The following PTK2 variants were observed in gnomAD, a reference collection of about 807,000 sequenced individuals.
The protein encoded by PTK2 is focal adhesion kinase 1.
Under a neutral mutation model 150.1 loss-of-function variants are expected in PTK2, and 45 were observed. That is an observed-to-expected ratio of 0.30 (90% CI 0.24 to 0.38). PTK2 has a LOEUF of 0.38. Among genes scored for constraint, PTK2 ranks in the 10% least tolerant of loss-of-function variants. The pLI is 1.00. For synonymous variants in PTK2, 432 were observed against 449.2 expected (o/e 0.96, Z 0.48); for missense variants, 919 against 1,307.3 (o/e 0.70, Z 4.58).
chr8:140,832,534 T>C lies in PTK2; in HGVS notation c.594-2008A>G, dbSNP rs543338860. On this transcript the variant is annotated intron_variant, in intron 7 of 31. Coordinates refer to ENST00000522684, the Ensembl canonical transcript of PTK2. ...AATGTGAAGGGGGCAGTTTCTGTTCTGCCTTAGAAGAAAGCACTGCTGTCT... is the reference window on the plus strand; with the variant it reads ...AATGTGAAGGGGGCAGTTTCTGTTCCGCCTTAGAAGAAAGCACTGCTGTCT... Among the ~76,000 whole-genome samples the C allele has an allele frequency of 4.6e-5, 7 of 152,340 alleles. No homozygotes were observed. The South Asian group carries it at 1.0e-3, about 23-fold the overall frequency.
chr8:140,782,950 C>CA (rs1443024849), intron 14 of PTK2, among the ~76,000 whole-genome samples: 31 of 152,136 alleles, frequency 2.0e-4, no homozygotes, highest in African/African-American at 6.0e-4. Context: ...AGAAATGAGT[C>CA]AACATAGGCT....
At chr8:140,664,111 G>T (rs189820652) in intron 31 of PTK2, among the ~76,000 whole-genome samples, 1 of 152,166 alleles carries the variant, frequency 6.6e-6, no homozygotes, top group Non-Finnish European at 1.5e-5. Context: ...AGCCTCCCAA[G>T]TAGCTGGGAC....
chr8:140,725,548 C>T (rs2100045249), intron 22 of PTK2, among the ~76,000 whole-genome samples: 1 of 152,086 alleles, frequency 6.6e-6, no homozygotes, highest in African/African-American at 2.4e-5. Flanking sequence ...GCTTGAATAA[C>T]CAGAGAAATG....
intron 5 of PTK2, among the ~76,000 whole-genome samples, chr8:140,862,336 C>G (rs1244149785): frequency 6.6e-6 from 1 of 151,958 alleles, no homozygotes; most frequent in Non-Finnish European, 1.5e-5. Context: ...CTTGTTATCT[C>G]CTTCGCCAAA....
chr8:140,826,831 T>C (rs1318935352), intron 8 of PTK2, among the ~76,000 whole-genome samples: 3 of 152,028 alleles, frequency 2.0e-5, no homozygotes, highest in Non-Finnish European at 4.4e-5. Context: ...GGCAGGAGAA[T>C]TGCTTGAACC....
intron 1 of PTK2, among the ~76,000 whole-genome samples, chr8:140,945,497 G>A (rs1352876678): frequency 6.6e-6 from 1 of 151,894 alleles, no homozygotes; most frequent in Non-Finnish European, 1.5e-5. Context: ...GAGGCAGGAG[G>A]ATCATTTGAA....
chr8:140,765,448 A>G (rs1252096253), intron 14 of PTK2, among the ~76,000 whole-genome samples: 1 of 152,200 alleles, frequency 6.6e-6, no homozygotes, highest in Non-Finnish European at 1.5e-5. Flanking sequence ...TTCACTTCTT[A>G]TTATGTAATC....
intron 1 of PTK2, among the ~76,000 whole-genome samples, chr8:140,959,374 CAA>C (rs1177295670): frequency 9.8e-5 from 12 of 121,830 alleles, no homozygotes; most frequent in Non-Finnish European, 8.8e-5. Flanking sequence ...ACTAAAAATA[CAA>C]AAAAAAAAAA....
intron 1 of PTK2, among the ~76,000 whole-genome samples, chr8:140,974,253 A>AT (rs1303676848): frequency 6.6e-6 from 1 of 152,088 alleles, no homozygotes; most frequent in Admixed American, 6.5e-5. Flanking sequence ...CGATTTAGGG[A>AT]TTGTCTTACA....
chr8:140,879,354 A>C, intron 4 of PTK2, 117 bp downstream of exon 4: 1 of 1,066,166 alleles, frequency 9.4e-7, no homozygotes, highest in Non-Finnish European at 1.3e-6. Context: ...TATTTATACC[A>C]GAGTTGTAAT....
intron 2 of PTK2, among the ~76,000 whole-genome samples, chr8:140,904,091 G>A (rs575869663): frequency 2.0e-4 from 31 of 152,252 alleles, no homozygotes; most frequent in Middle Eastern, 3.4e-3. Context: ...TTTTCAAAGG[G>A]AATGCATCCA....
At chr8:140,800,408 C>T in intron 12 of PTK2, 51 bp downstream of exon 12, 5 of 1,445,506 alleles carry the variant, frequency 3.5e-6, no homozygotes, top group Non-Finnish European at 2.9e-6. Context: ...GCAAGCACAG[C>T]TAAATATTTG....
chr8:140,933,304 T>C (rs540525919), intron 1 of PTK2, among the ~76,000 whole-genome samples: 1 of 151,918 alleles, frequency 6.6e-6, no homozygotes, highest in East Asian at 1.9e-4. Flanking sequence ...ATAAAAATCA[T>C]CTGTTTGAAG....
chr8:140,830,360 T>C, intron 8 of PTK2, 112 bp downstream of exon 8: 1 of 667,978 alleles, frequency 1.5e-6, no homozygotes, highest in Non-Finnish European at 2.5e-6. Flanking sequence ...ATTATATATT[T>C]TACATGTAAG....
chr8:140,943,434 T>C (rs1053799376), intron 1 of PTK2, among the ~76,000 whole-genome samples: 9 of 152,262 alleles, frequency 5.9e-5, no homozygotes, highest in Non-Finnish European at 1.0e-4. Flanking sequence ...TATTGCTGTA[T>C]AGGATTCCAT....
At chr8:140,778,266 G>C (rs982455232) in intron 14 of PTK2, among the ~76,000 whole-genome samples, 6 of 152,188 alleles carry the variant, frequency 3.9e-5, no homozygotes, top group Admixed American at 2.6e-4. Context: ...CCAGGAGTTT[G>C]AGACCAGCTA....
intron 7 of PTK2, among the ~76,000 whole-genome samples, chr8:140,842,315 A>G (rs2100122821): frequency 6.6e-6 from 1 of 152,074 alleles, no homozygotes; most frequent in Non-Finnish European, 1.5e-5. Context: ...CAGATGAACA[A>G]TAACATTGTT....
intron 14 of PTK2, among the ~76,000 whole-genome samples, chr8:140,774,289 T>G (rs2100077172): frequency 6.6e-6 from 1 of 152,188 alleles, no homozygotes; most frequent in African/African-American, 2.4e-5. Flanking sequence ...AGCTGCAGTT[T>G]TGGAGTGGCT....
intron 2 of PTK2, among the ~76,000 whole-genome samples, chr8:140,897,626 A>G (rs2100156813): frequency 6.6e-6 from 1 of 152,138 alleles, no homozygotes; most frequent in Admixed American, 6.5e-5. Flanking sequence ...GGCACTCATC[A>G]CGGTTTGGTC....
Sources: allele counts gnomAD v4.1 joint callset (sites outside exome capture counted in the v4.1 genomes callset), GRCh38; gene constraint gnomAD v4.1.1; transcripts MANE v1.5; gene names NCBI Gene and HGNC (gene_info 2026-07-23, HGNC 2026-07-21).